The following RGS6 variants were observed in gnomAD, a reference collection of about 807,000 sequenced individuals.
RGS6 encodes regulator of G protein signaling 6.
RGS6 carries 30 observed loss-of-function variants against 78.5 expected under a neutral mutation model. The ratio of observed to expected loss-of-function variants is 0.38; its 90% CI spans 0.29 to 0.52. The LOEUF (loss-of-function observed/expected upper bound fraction) is 0.52, where lower values mean the gene tolerates loss of function less well. Ranked by LOEUF, RGS6 falls within the 20% of genes least tolerant of loss-of-function variation. RGS6 has a pLI of 0.85. For missense variants in RGS6, 495 were observed against 609.7 expected (o/e 0.81, Z 1.98); for synonymous variants, 206 against 206.0 (o/e 1.00, Z 0.00).
At chr14:72,445,117 G>T (rs927046923) in intron 3 of RGS6, among the ~76,000 whole-genome samples, 2 of 152,216 alleles carry the variant, frequency 1.3e-5, no homozygotes, top group African/African-American at 4.8e-5. Flanking sequence ...TTTTAATAAG[G>T]AAAAGGAGGA....
intron 15 of RGS6, among the ~76,000 whole-genome samples, chr14:72,534,934 C>T (rs2097228518): frequency 6.6e-6 from 1 of 152,194 alleles, no homozygotes. Flanking sequence ...GGGGAAGATG[C>T]TTCCTCCACC....
rs145854608 is a variant in RGS6, at chr14:72,348,823, T to C, written c.85-3272T>C. On this transcript the variant is annotated intron_variant, in intron 2 of 17. Transcript: ENST00000553525. ...TGCATTTTTTCAGAGTGTTGTTGTA[T>C]CATAACTTTGCTGTAGAGCAAACCA... 3.9e-4 allele frequency among the ~76,000 whole-genome samples: 59 copies of C among 152,336 alleles called. 2 individuals are homozygous for C. The East Asian group carries it at 0.01, about 26-fold the overall frequency.
intron 2 of RGS6, among the ~76,000 whole-genome samples, chr14:72,232,742 C>T (rs941575118): frequency 2.6e-5 from 4 of 151,982 alleles, no homozygotes; most frequent in African/African-American, 7.3e-5. Context: ...TCAGCAGGCA[C>T]TGTGGGGAGT....
At chr14:72,340,333 T>G (rs547500102) in intron 2 of RGS6, among the ~76,000 whole-genome samples, 1 of 152,112 alleles carries the variant, frequency 6.6e-6, no homozygotes, top group Non-Finnish European at 1.5e-5. Context: ...TGGCACTATC[T>G]GGAGCAGGGA....
intron 2 of RGS6, among the ~76,000 whole-genome samples, chr14:72,277,278 C>G (rs1429764107): frequency 6.6e-6 from 1 of 152,222 alleles, no homozygotes; most frequent in East Asian, 1.9e-4. Context: ...CCCTTGCAGA[C>G]TCAAGCATCC....
At chr14:72,264,467 C>A (rs1372395670) in intron 2 of RGS6, among the ~76,000 whole-genome samples, 2 of 152,166 alleles carry the variant, frequency 1.3e-5, no homozygotes, top group African/African-American at 2.4e-5. Flanking sequence ...TTTATTTGTT[C>A]ATTTCTTTAA....
chr14:72,013,355 T>A (rs1402735615), intron 2 of RGS6, among the ~76,000 whole-genome samples: 1 of 60,916 alleles, frequency 1.6e-5, no homozygotes, highest in African/African-American at 3.9e-5. Flanking sequence ...GACACATTAA[T>A]GACTCCATTT....
the RGS6 span, among the ~76,000 whole-genome samples, chr14:71,884,584 T>C: frequency 6.6e-6 from 1 of 152,038 alleles, no homozygotes; most frequent in Non-Finnish European, 1.5e-5. Context: ...GAGTCAAGGG[T>C]GGATTTTATA....
At chr14:72,488,684 G>A (rs912445260) in intron 12 of RGS6, among the ~76,000 whole-genome samples, 1 of 152,178 alleles carries the variant, frequency 6.6e-6, no homozygotes, top group Non-Finnish European at 1.5e-5. Context: ...GCTGGAGCCT[G>A]CAGGCTCCTC....
chr14:72,409,614 G>A (rs1160637461), intron 3 of RGS6, among the ~76,000 whole-genome samples: 2 of 151,818 alleles, frequency 1.3e-5, no homozygotes, highest in African/African-American at 4.8e-5. Context: ...TGCACAATGT[G>A]CAGGTTTGTT....
intron 2 of RGS6, among the ~76,000 whole-genome samples, chr14:72,016,015 T>C (rs1232597408): frequency 6.6e-6 from 1 of 152,236 alleles, no homozygotes; most frequent in African/African-American, 2.4e-5. Context: ...TGTTTTGACT[T>C]TTTATGATGT....
At chr14:71,983,196 A>T (rs1290548330) in intron 2 of RGS6, among the ~76,000 whole-genome samples, 1 of 152,184 alleles carries the variant, frequency 6.6e-6, no homozygotes, top group African/African-American at 2.4e-5. Flanking sequence ...GCCTCAAGTC[A>T]CCACAGTAAC....
At position 72,283,665 on chromosome 14, in the gene RGS6, C is replaced by T. The variant is rs567895483; in HGVS notation, c.85-68430C>T. On this transcript the variant is annotated intron_variant, in intron 2 of 17. Transcript: ENST00000553525. The stretch of plus-strand genomic sequence containing the variant: ...TAAACTTCTTTTTCTTTATAAATTA[C>T]CCAGTCTCAGGTGTGTCTTTATCAG... Among the ~76,000 whole-genome samples, 4 of 152,272 alleles carry T rather than the reference C, an allele frequency of 2.6e-5. No homozygotes were observed. In the East Asian group the frequency reaches 7.7e-4, roughly 29 times the overall value.
intron 2 of RGS6, among the ~76,000 whole-genome samples, chr14:72,336,646 T>C (rs2076084746): frequency 6.6e-6 from 1 of 152,118 alleles, no homozygotes; most frequent in Non-Finnish European, 1.5e-5. Flanking sequence ...AAAAAAATAA[T>C]TTCTATGATC....
At chr14:72,125,624 G>A (rs898430650) in intron 2 of RGS6, among the ~76,000 whole-genome samples, 2 of 152,134 alleles carry the variant, frequency 1.3e-5, no homozygotes, top group African/African-American at 4.8e-5. Flanking sequence ...TAAAGAAGCA[G>A]TGTGGTCTAT....
chr14:71,892,097 G>T, the RGS6 span, among the ~76,000 whole-genome samples: 2 of 152,138 alleles, frequency 1.3e-5, no homozygotes, highest in African/African-American at 2.4e-5. Context: ...TCAGTGAAGA[G>T]TCTCTGTGTT....
chr14:72,563,205 A>G lies in RGS6; in HGVS notation c.*738A>G, dbSNP rs1430051194. 2 of 175,298 alleles carry G rather than the reference A, an allele frequency of 1.1e-5. No individual in the cohort carries two copies. The highest frequency in any genetic ancestry group is 2.5e-5 in the Non-Finnish European group (2 of 81,492). 10.9% of individuals were successfully genotyped at this position (175,298 alleles called of 1,614,324 possible). On this transcript the variant is annotated 3_prime_UTR_variant, in exon 18 of 18. Coordinates refer to ENST00000553525, the MANE Select transcript of RGS6 (RefSeq NM_001204424.2). Reference sequence around the variant, plus strand: ...TCGAGGAAGCACTGTTGTAGATGACAGAGCTTTTTGTTTCACAGCTGCGGG... The same window carrying G: ...TCGAGGAAGCACTGTTGTAGATGACGGAGCTTTTTGTTTCACAGCTGCGGG...
intron 2 of RGS6, among the ~76,000 whole-genome samples, chr14:72,186,339 TGTATAG>T (rs2097246876): frequency 6.6e-6 from 1 of 152,258 alleles, no homozygotes; most frequent in Admixed American, 6.5e-5. Flanking sequence ...GCGTAAGTTC[TGTATAG>T]TACACCACCA....
intron 2 of RGS6, among the ~76,000 whole-genome samples, chr14:72,042,528 T>C (rs1300204083): frequency 6.6e-6 from 1 of 152,206 alleles, no homozygotes; most frequent in Admixed American, 6.5e-5. Flanking sequence ...GTTAACATTT[T>C]ATAGTATTTT....
Sources: allele counts gnomAD v4.1 joint callset (sites outside exome capture counted in the v4.1 genomes callset), GRCh38; gene constraint gnomAD v4.1.1; transcripts MANE v1.5; gene names NCBI Gene and HGNC (gene_info 2026-07-23, HGNC 2026-07-21).